The following GLG1 variants were observed in gnomAD, a reference collection of about 807,000 sequenced individuals.
GLG1 encodes Golgi apparatus protein 1.
A neutral mutation model predicts 160.5 loss-of-function variants in GLG1; 38 were observed. The observed-to-expected ratio is 0.24, with a 90% CI of 0.18 to 0.31. The LOEUF is 0.31. Among genes scored for constraint, GLG1 ranks in the 10% least tolerant of loss-of-function variants. GLG1 has a pLI of 1.00. For synonymous variants in GLG1, 644 were observed against 543.4 expected, an observed-to-expected ratio of 1.19 and a Z score of -2.57; for missense variants, 1,373 against 1,505.2, an observed-to-expected ratio of 0.91 and a Z score of 1.45.
intron 1 of GLG1, among the ~76,000 whole-genome samples, chr16:74,542,059 T>C (rs1290800493): frequency 1.4e-5 from 2 of 145,748 alleles, no homozygotes; most frequent in Non-Finnish European, 3.0e-5. Context: ...AGGAAATATA[T>C]ATTTACATCC....
chr16:74,596,655 G>T (rs1244418056), intron 1 of GLG1, among the ~76,000 whole-genome samples: 1 of 152,238 alleles, frequency 6.6e-6, no homozygotes, highest in African/African-American at 2.4e-5. Context: ...GCTGCACGTG[G>T]CTGATGACTA....
chr16:74,552,956 C>T (rs1260483444), intron 1 of GLG1, among the ~76,000 whole-genome samples: 3 of 152,020 alleles, frequency 2.0e-5, no homozygotes, highest in Non-Finnish European at 2.9e-5. Context: ...CAGTGGCTCA[C>T]GCTTGTAATC....
chr16:74,463,587 T>C, intron 19 of GLG1, 108 bp from the exon 20 acceptor site: 1 of 1,061,576 alleles, frequency 9.4e-7, no homozygotes, highest in Non-Finnish European at 1.4e-6. Context: ...TCACCCAGGC[T>C]GGAGTGCAGT....
intron 8 of GLG1, among the ~76,000 whole-genome samples, chr16:74,489,613 C>A (rs935930251): frequency 6.6e-6 from 1 of 152,132 alleles, no homozygotes; most frequent in African/African-American, 2.4e-5. Flanking sequence ...CAGAGGTTTC[C>A]CAAGGAAGTC....
Position 74,452,054 on chromosome 16 carries a change from G to T in GLG1, c.*1113C>A. On this transcript the variant is annotated 3_prime_UTR_variant, in exon 26 of 26. Coordinates refer to ENST00000422840, the MANE Select transcript of GLG1 (RefSeq NM_001145667.2). ...GAAGTTTGTCTGGAGTGTGCAGAAA[G>T]GTCAGGCTGGACTGCCTGTCACATC... 2.5e-6 allele frequency: 4 copies of T among 1,608,458 alleles called. No homozygotes were observed. The highest frequency in any genetic ancestry group is 3.4e-6 in the Non-Finnish European group (4 of 1,174,856).
intron 1 of GLG1, among the ~76,000 whole-genome samples, chr16:74,555,346 A>C (rs1163355394): frequency 2.0e-5 from 3 of 152,200 alleles, no homozygotes; most frequent in Admixed American, 6.5e-5. Context: ...AAATTTAAAA[A>C]TTAACGCAAG....
At chr16:74,462,362 C>A (rs749173519) in intron 21 of GLG1, 126 bp downstream of exon 21, 12 of 930,430 alleles carry the variant, frequency 1.3e-5, no homozygotes, top group Non-Finnish European at 2.0e-5. Context: ...CCTTAGCCCC[C>A]CAGGTTCGGG....
chr16:74,574,734 A>T (rs561445355), intron 1 of GLG1, among the ~76,000 whole-genome samples: 5 of 151,360 alleles, frequency 3.3e-5, no homozygotes, highest in Admixed American at 2.6e-4. Flanking sequence ...AACACAAAAA[A>T]TTAGCTGAGC....
In GLG1 at chr16:74,475,999, T is replaced by C. The variant is rs1339316132; in HGVS notation, c.1966-1367A>G. On this transcript the variant is annotated intron_variant, in intron 12 of 25. Coordinates refer to ENST00000422840, the MANE Select transcript of GLG1 (RefSeq NM_001145667.2). ...GAGTTAGAGACCAGCATGGGTAACA[T>C]GGTGAAACCCTGTCTCTACTAAAAT... Among the ~76,000 whole-genome samples the C allele has an allele frequency of 2.0e-5, 3 of 151,992 alleles. 1 individual carries two copies. Among genetic ancestry groups the C allele is most frequent in the Admixed American group, 1.3e-4 (2 of 15,250 alleles).
At chr16:74,464,379 T>C (rs1406747523) in intron 19 of GLG1, among the ~76,000 whole-genome samples, 1 of 152,180 alleles carries the variant, frequency 6.6e-6, no homozygotes, top group Non-Finnish European at 1.5e-5. Flanking sequence ...AGGGCTATAA[T>C]CCTACCAAGC....
intron 13 of GLG1, 128 bp downstream of exon 13, chr16:74,474,418 T>A (rs987089934): frequency 1.5e-6 from 1 of 659,680 alleles, no homozygotes; most frequent in African/African-American, 1.8e-5. Flanking sequence ...CATGGAAAAT[T>A]TGATCAGGTT....
chr16:74,598,981 G>A (rs569674881), intron 1 of GLG1, among the ~76,000 whole-genome samples: 25 of 151,982 alleles, frequency 1.6e-4, no homozygotes, highest in African/African-American at 5.8e-4. Flanking sequence ...GAACACATTA[G>A]GAGAAATGCA....
intron 1 of GLG1, among the ~76,000 whole-genome samples, chr16:74,578,051 C>T (rs1342456423): frequency 6.6e-6 from 1 of 152,122 alleles, no homozygotes; most frequent in Non-Finnish European, 1.5e-5. Flanking sequence ...GGATTTGCTC[C>T]TTGTTCTCTG....
intron 9 of GLG1, 145 bp downstream of exon 9, chr16:74,485,651 T>C: frequency 1.5e-6 from 1 of 682,200 alleles, no homozygotes; most frequent in Non-Finnish European, 2.5e-6. Context: ...AATACTAGTT[T>C]TAATAAAAGT....
chr16:74,503,095 T>C (rs2041192828), intron 4 of GLG1, among the ~76,000 whole-genome samples: 1 of 151,792 alleles, frequency 6.6e-6, no homozygotes, highest in Non-Finnish European at 1.5e-5. Context: ...TAGTTCCAGC[T>C]ACTCAGGAGG....
chr16:74,546,176 T>C (rs2018041111), intron 1 of GLG1, among the ~76,000 whole-genome samples: 1 of 152,200 alleles, frequency 6.6e-6, no homozygotes, highest in Non-Finnish European at 1.5e-5. Context: ...TTGTAGCTCA[T>C]GCCTGTAATC....
At chr16:74,506,595 A>AAAAAAC in intron 3 of GLG1, among the ~76,000 whole-genome samples, 1 of 148,916 alleles carries the variant, frequency 6.7e-6, no homozygotes, top group South Asian at 2.1e-4. Flanking sequence ...AAAAAAAAAA[A>AAAAAAC]AAAAAAAAAC....
chr16:74,585,730 C>G lies in GLG1; in HGVS notation c.438+20927G>C, dbSNP rs375930327. On this transcript the variant is annotated intron_variant, in intron 1 of 25. Transcript: ENST00000422840. Reference sequence around the variant, plus strand: ...GTCTCAAAAAAAAAAAAAAAAAAGGCCTCTAAGTAAAATTATGACAAATAA... The same window carrying G: ...GTCTCAAAAAAAAAAAAAAAAAAGGGCTCTAAGTAAAATTATGACAAATAA... Among the ~76,000 whole-genome samples, 119 of 147,404 alleles carry G rather than the reference C, an allele frequency of 8.1e-4. 1 individual carries two copies. Among genetic ancestry groups the G allele is most frequent in the African/African-American group, 2.7e-3 (109 of 40,520 alleles).
intron 1 of GLG1, among the ~76,000 whole-genome samples, chr16:74,587,273 C>T (rs1006804733): frequency 3.9e-5 from 6 of 152,124 alleles, no homozygotes; most frequent in African/African-American, 1.4e-4. Flanking sequence ...TTCCCGGCTG[C>T]AACACAGGGA....
Sources: allele counts gnomAD v4.1 joint callset (sites outside exome capture counted in the v4.1 genomes callset), GRCh38; gene constraint gnomAD v4.1.1; transcripts MANE v1.5; gene names NCBI Gene and HGNC (gene_info 2026-07-23, HGNC 2026-07-21).